Variants in CD86 observed in about 807,000 individuals in gnomAD.
CD86 encodes T-lymphocyte activation antigen CD86.
Under a neutral mutation model 32.1 loss-of-function variants are expected in CD86, and 11 were observed. The ratio of observed to expected loss-of-function variants is 0.34; its 90% CI spans 0.22 to 0.57. CD86 has a LOEUF of 0.57. CD86 is among the 20% of genes least tolerant of loss of function. The pLI is 0.86. For synonymous variants in CD86, 137 were observed against 135.3 expected, an observed-to-expected ratio of 1.01 and a Z score of -0.09; for missense variants, 359 against 398.4, an observed-to-expected ratio of 0.90 and a Z score of 0.84.
chr3:122,091,677 C>A, intron 2 of CD86, 27 bp downstream of exon 2: 1 of 1,593,286 alleles, frequency 6.3e-7, no homozygotes, highest in South Asian at 1.1e-5. Flanking sequence ...TTTGTTAAGT[C>A]CTGGAATCCT....
At chr3:122,114,430 C>G (rs1396003611) in intron 5 of CD86, among the ~76,000 whole-genome samples, 3 of 152,030 alleles carry the variant, frequency 2.0e-5, no homozygotes, top group Admixed American at 2.0e-4. Context: ...GGATGACAGA[C>G]AGCAGAAAAC....
At chr3:122,097,723 T>G (rs1379911159) in intron 2 of CD86, among the ~76,000 whole-genome samples, 1 of 151,964 alleles carries the variant, frequency 6.6e-6, no homozygotes. Context: ...GCGTGGGGAA[T>G]AGTGTCTTTA....
At chr3:122,102,406 CTTTTTTTTTT>C (rs1011413952) in intron 2 of CD86, among the ~76,000 whole-genome samples, 15 of 56,158 alleles carry the variant, frequency 2.7e-4, no homozygotes, top group South Asian at 1.3e-3. Context: ...CCACTGCTTA[CTTTTTTTTTT>C]TTTTTTTTTT....
intron 1 of CD86, among the ~76,000 whole-genome samples, chr3:122,080,264 C>T (rs2072612643): frequency 1.3e-5 from 2 of 152,142 alleles, no homozygotes; most frequent in African/African-American, 4.8e-5. Flanking sequence ...CACTGTGAAA[C>T]TTTGCATGAT....
At chr3:122,061,805 TG>T (rs2072340417) in intron 1 of CD86, among the ~76,000 whole-genome samples, 1 of 152,208 alleles carries the variant, frequency 6.6e-6, no homozygotes, top group South Asian at 2.1e-4. Context: ...AAACCAAACA[TG>T]CATTTAGTAT....
chr3:122,077,938 T>A lies in CD86; in HGVS notation c.15-13663T>A, dbSNP rs1403944294. 4.1e-6 allele frequency: 4 copies of A among 985,420 alleles called. No homozygotes were observed. The African/African-American group carries it at 7.0e-5, about 17-fold the overall frequency. 61.0% of individuals were successfully genotyped at this position (985,420 alleles called of 1,614,324 possible). ...GGAGGTACGGGGAGCTCGCAAATACTCCTTTTGGTTTATTCTTACCACCTT... is the reference window on the plus strand; with the variant it reads ...GGAGGTACGGGGAGCTCGCAAATACACCTTTTGGTTTATTCTTACCACCTT... On this transcript the variant is annotated intron_variant, in intron 1 of 6. Coordinates refer to ENST00000330540, the MANE Select transcript of CD86 (RefSeq NM_175862.5).
At chr3:122,094,898 A>G (rs150645100) in intron 2 of CD86, among the ~76,000 whole-genome samples, 2,251 of 152,322 alleles carry the variant, frequency 0.015, 54 homozygotes, top group African/African-American at 0.05. Flanking sequence ...AGGAATTCCT[A>G]GTGCCACCTG....
At chr3:122,092,841 T>C (rs2072847100) in intron 2 of CD86, among the ~76,000 whole-genome samples, 1 of 152,230 alleles carries the variant, frequency 6.6e-6, no homozygotes, top group Non-Finnish European at 1.5e-5. Flanking sequence ...ATGTCTGCTG[T>C]GGATGATGAG....
intron 1 of CD86, among the ~76,000 whole-genome samples, chr3:122,083,124 C>T (rs2072657296): frequency 6.6e-6 from 1 of 152,232 alleles, no homozygotes; most frequent in Admixed American, 6.5e-5. Context: ...TCTTCTTTCA[C>T]TCAAACAATT....
At chr3:122,103,233 T>C (rs2073037914) in intron 2 of CD86, among the ~76,000 whole-genome samples, 2 of 151,930 alleles carry the variant, frequency 1.3e-5, no homozygotes, top group Non-Finnish European at 2.9e-5. Flanking sequence ...AGAAAGACCC[T>C]TGGAACATTT....
intron 1 of CD86, among the ~76,000 whole-genome samples, chr3:122,068,620 T>C (rs1186388964): frequency 6.6e-6 from 1 of 152,238 alleles, no homozygotes; most frequent in Non-Finnish European, 1.5e-5. Flanking sequence ...CTTTGAGTTC[T>C]GAAAGGTGAC....
Position 122,109,347 on chromosome 3 carries a change from T to C in CD86, c.786T>C (p.Val262=). 6.2e-7 allele frequency: 1 copy of C among 1,614,156 alleles called. No homozygotes were observed. The highest frequency in any genetic ancestry group is 8.5e-7 in the Non-Finnish European group (1 of 1,180,000). The stretch of plus-strand genomic sequence containing the variant: ...CAACAGTTATTATATGTGTGATGGT[T>C]TTCTGTCTAATTCTATGGAAATGGA... ...VLPTVIICVM[V]FCLILWKWKK... Residue 262 remains valine, a synonymous_variant, in exon 5 of 7, where the codon GTT becomes GTC. Coordinates refer to ENST00000330540, the MANE Select transcript of CD86 (RefSeq NM_175862.5).
intron 2 of CD86, among the ~76,000 whole-genome samples, chr3:122,101,473 G>A (rs1045910601): frequency 2.4e-5 from 3 of 125,042 alleles, no homozygotes; most frequent in African/African-American, 6.5e-5. Flanking sequence ...GGGAAGGAAA[G>A]AAGATACTGT....
Position 122,103,650 on chromosome 3 carries a change from T to A in CD86, c.203T>A (p.Val68Glu). The A allele has an allele frequency of 6.2e-7, 1 of 1,614,068 alleles. No individual in the cohort carries two copies. The highest frequency in any genetic ancestry group is 8.5e-7 in the Non-Finnish European group (1 of 1,179,936). The change falls in exon 3 of 7, where the codon GTA becomes GAA. Residue 68 changes from valine (V) to glutamate (E), a missense_variant. Coordinates refer to ENST00000330540, the MANE Select transcript of CD86 (RefSeq NM_175862.5). ...CAGGAAAACTTGGTTCTGAATGAGG[T>A]ATACTTAGGCAAAGAGAAATTTGAC... ...QDQENLVLNEVYLGKEKFDSV... is the reference protein window; with the variant it reads ...QDQENLVLNEEYLGKEKFDSV...
intron 5 of CD86, among the ~76,000 whole-genome samples, chr3:122,117,171 T>C (rs568976185): frequency 1.3e-5 from 2 of 152,312 alleles, no homozygotes; most frequent in South Asian, 4.1e-4. Context: ...CCGAGCAATG[T>C]CCACTGTACC....
intron 2 of CD86, among the ~76,000 whole-genome samples, chr3:122,098,474 T>C (rs1365877297): frequency 6.6e-6 from 1 of 152,082 alleles, no homozygotes; most frequent in South Asian, 2.1e-4. Flanking sequence ...TGATAGGTAC[T>C]GGGGACCCAA....
At chr3:122,085,392 G>C (rs914635740) in intron 1 of CD86, among the ~76,000 whole-genome samples, 9 of 150,994 alleles carry the variant, frequency 6.0e-5, no homozygotes, top group African/African-American at 1.9e-4. Flanking sequence ...CTGCTCAAGA[G>C]GGTTTCTGCC....
intron 4 of CD86, among the ~76,000 whole-genome samples, chr3:122,107,705 T>C (rs909639687): frequency 6.6e-6 from 1 of 152,202 alleles, no homozygotes; most frequent in African/African-American, 2.4e-5. Context: ...GTGACATCCA[T>C]CCAACTCCTT....
intron 5 of CD86, among the ~76,000 whole-genome samples, chr3:122,117,799 T>C (rs1036834592): frequency 2.0e-5 from 3 of 152,226 alleles, no homozygotes; most frequent in African/African-American, 7.2e-5. Flanking sequence ...GATAGAGATA[T>C]AAGTGAAAAA....
Sources: gnomAD v4.1 joint callset for allele counts (sites outside exome capture counted in the v4.1 genomes callset) on GRCh38, gnomAD v4.1.1 for gene constraint, MANE v1.5 for transcripts, NCBI Gene and HGNC (gene_info 2026-07-23, HGNC 2026-07-21) for gene names.